NSMCE2: variants seen among roughly 807,000 people sequenced by gnomAD.
NSMCE2 encodes the protein E3 SUMO-protein ligase NSE2.
NSMCE2 carries 24 observed loss-of-function variants against 23.8 expected under a neutral mutation model. The ratio of observed to expected loss-of-function variants is 1.01; its 90% confidence interval spans 0.73 to 1.42. The LOEUF (loss-of-function observed/expected upper bound fraction) is 1.42, where lower values mean the gene tolerates loss of function less well. Among genes scored for constraint, NSMCE2 ranks in the 40% most tolerant of loss-of-function variants. NSMCE2 has a pLI of 0.00. For missense variants in NSMCE2, 284 were observed against 296.5 expected (o/e 0.96, Z 0.31); for synonymous variants, 92 against 94.1 (o/e 0.98, Z 0.13).
intron 3 of NSMCE2, among the ~76,000 whole-genome samples, chr8:125,128,709 G>A (rs1819622402): frequency 6.6e-6 from 1 of 152,170 alleles, no homozygotes; most frequent in Non-Finnish European, 1.5e-5. Context: ...TCTAGAGGCA[G>A]TGCACATTCC....
At chr8:125,280,239 G>A (rs1276968222) in intron 5 of NSMCE2, among the ~76,000 whole-genome samples, 1 of 152,188 alleles carries the variant, frequency 6.6e-6, no homozygotes, top group African/African-American at 2.4e-5. Flanking sequence ...TGCCTTTGCT[G>A]GAAGTTGGTT....
At chr8:125,274,487 C>T (rs1827358315) in intron 5 of NSMCE2, among the ~76,000 whole-genome samples, 1 of 152,104 alleles carries the variant, frequency 6.6e-6, no homozygotes, top group Admixed American at 6.6e-5. Context: ...CTCCATGTCA[C>T]CTACCAGTTT....
intron 4 of NSMCE2, among the ~76,000 whole-genome samples, chr8:125,168,216 C>T (rs960501689): frequency 2.6e-5 from 4 of 152,076 alleles, no homozygotes; most frequent in African/African-American, 4.8e-5. Context: ...TGAATGGCAG[C>T]GAAACACTGT....
intron 5 of NSMCE2, among the ~76,000 whole-genome samples, chr8:125,271,301 A>G (rs1827180097): frequency 1.3e-5 from 2 of 151,822 alleles, no homozygotes; most frequent in Admixed American, 1.3e-4. Flanking sequence ...TGAGGTAAGT[A>G]GTGAGGGGGG....
chr8:125,171,169 C>G (rs1231949094), intron 4 of NSMCE2, among the ~76,000 whole-genome samples: 1 of 152,158 alleles, frequency 6.6e-6, no homozygotes, highest in African/African-American at 2.4e-5. Flanking sequence ...CACTCATTTC[C>G]ACTCTGCTCA....
At chr8:125,274,512 T>G (rs1260732164) in intron 5 of NSMCE2, among the ~76,000 whole-genome samples, 3 of 152,198 alleles carry the variant, frequency 2.0e-5, no homozygotes, top group Non-Finnish European at 4.4e-5. Context: ...TTAGACAAGT[T>G]TTTTTGCATA....
At chr8:125,333,171 C>A (rs1300790649) in intron 5 of NSMCE2, among the ~76,000 whole-genome samples, 1 of 146,642 alleles carries the variant, frequency 6.8e-6, no homozygotes, top group South Asian at 2.2e-4. Flanking sequence ...TTTTTTTTTT[C>A]TTTTTATCTT....
At position 125,235,723 on chromosome 8, in the gene NSMCE2, C is replaced by G. The variant is rs376876097; in HGVS notation, c.418+53467C>G. 1.2e-4 allele frequency among the ~76,000 whole-genome samples: 18 copies of G among 152,272 alleles called. No homozygotes were observed. In the East Asian group the frequency reaches 2.7e-3, roughly 23 times the overall value. On this transcript the variant is annotated intron_variant, in intron 5 of 7. Transcript: ENST00000287437. The stretch of plus-strand genomic sequence containing the variant: ...TTGTTTCATGTCAAATTGTTTTATT[C>G]ATACACATCTTATCTTCCTTTGGAA...
At chr8:125,150,773 C>G (rs1180647492) in intron 3 of NSMCE2, among the ~76,000 whole-genome samples, 1 of 152,176 alleles carries the variant, frequency 6.6e-6, no homozygotes, top group African/African-American at 2.4e-5. Flanking sequence ...TGACCTTTAA[C>G]AATCCTTCAC....
chr8:125,208,648 G>A (rs1230095584), intron 5 of NSMCE2, among the ~76,000 whole-genome samples: 1 of 152,210 alleles, frequency 6.6e-6, no homozygotes. Context: ...TTGAGTGCCA[G>A]CGTAAGTGTT....
At chr8:125,214,516 A>G (rs535776055) in intron 5 of NSMCE2, among the ~76,000 whole-genome samples, 12 of 152,260 alleles carry the variant, frequency 7.9e-5, no homozygotes, top group African/African-American at 2.6e-4. Context: ...GAAAGAAAGG[A>G]GTTTGCCACA....
chr8:125,365,434 T>C (rs1813739751), intron 7 of NSMCE2, among the ~76,000 whole-genome samples: 1 of 152,170 alleles, frequency 6.6e-6, no homozygotes, highest in Non-Finnish European at 1.5e-5. Context: ...CATGCTATTT[T>C]CCCTGCCCTT....
At chr8:125,284,195 A>G (rs1203050762) in intron 5 of NSMCE2, among the ~76,000 whole-genome samples, 2 of 63,340 alleles carry the variant, frequency 3.2e-5, no homozygotes, top group Non-Finnish European at 7.5e-5. Flanking sequence ...ACATTTAGAG[A>G]GTAAAAAAAA....
intron 4 of NSMCE2, among the ~76,000 whole-genome samples, chr8:125,166,887 G>C (rs987056666): frequency 4.6e-5 from 7 of 152,174 alleles, no homozygotes; most frequent in African/African-American, 1.7e-4. Context: ...AAGTTGGCCA[G>C]GCCTGGTGGC....
intron 5 of NSMCE2, among the ~76,000 whole-genome samples, chr8:125,254,190 A>G (rs1190824459): frequency 6.6e-6 from 1 of 152,210 alleles, no homozygotes; most frequent in Non-Finnish European, 1.5e-5. Context: ...TAATATCTCT[A>G]TTGAAACACT....
chr8:125,114,960 C>T (rs1818926908), intron 3 of NSMCE2, among the ~76,000 whole-genome samples: 1 of 152,186 alleles, frequency 6.6e-6, no homozygotes, highest in Non-Finnish European at 1.5e-5. Context: ...TGATAGCATT[C>T]CTCGTGTTTC....
chr8:125,186,649 T>C (rs750069370), intron 5 of NSMCE2, among the ~76,000 whole-genome samples: 14 of 152,076 alleles, frequency 9.2e-5, no homozygotes, highest in Non-Finnish European at 1.9e-4. Context: ...GGGACCTAAG[T>C]GAGGAGAGTC....
chr8:125,306,702 C>A (rs529709211), intron 5 of NSMCE2, among the ~76,000 whole-genome samples: 1 of 152,282 alleles, frequency 6.6e-6, no homozygotes, highest in Admixed American at 6.5e-5. Context: ...TGGACTTTAT[C>A]TTGATATCCA....
At chr8:125,130,371 T>A (rs1396930918) in intron 3 of NSMCE2, 3 of 440,706 alleles carry the variant, frequency 6.8e-6, no homozygotes, top group Non-Finnish European at 1.4e-5. Context: ...TTTTCTTTCT[T>A]TTCCCTCTAC....
Sources: allele counts gnomAD v4.1 joint callset (sites outside exome capture counted in the v4.1 genomes callset), GRCh38; gene constraint gnomAD v4.1.1; transcripts MANE v1.5; gene names NCBI Gene and HGNC (gene_info 2026-07-23, HGNC 2026-07-21).